SLC7A14: variants seen among roughly 807,000 people sequenced by gnomAD.
SLC7A14 encodes gamma-aminobutyric acid transporter SLC7A14.
In SLC7A14, 37 loss-of-function variants were observed where a neutral mutation model predicts 60.2. The ratio of observed to expected loss-of-function variants is 0.61; its 90% CI spans 0.47 to 0.81. SLC7A14 has a LOEUF of 0.81. Among genes scored for constraint, SLC7A14 ranks in the 30% least tolerant of loss-of-function variants. SLC7A14 has a pLI of 0.00. For synonymous variants in SLC7A14, 399 were observed against 395.8 expected, an observed-to-expected ratio of 1.01 and a Z score of -0.10; for missense variants, 886 against 982.7, an observed-to-expected ratio of 0.90 and a Z score of 1.32.
At position 170,466,918 on chromosome 3, in the gene SLC7A14, A is replaced by G. The variant is rs1001327273; in HGVS notation, c.*137T>C. On this transcript the variant is annotated 3_prime_UTR_variant, in exon 8 of 8. Coordinates refer to ENST00000231706, the MANE Select transcript of SLC7A14 (RefSeq NM_020949.3). ...TCCTGAAGAGCAAAAGTAGCAAATG[A>G]CAGGCTATGACTAGGGATTGAATTT... 3.1e-5 allele frequency: 23 copies of G among 738,728 alleles called. No homozygotes were observed. In the African/African-American group the frequency reaches 3.7e-4, roughly 12 times the overall value. 45.8% of individuals were successfully genotyped at this position (738,728 alleles called of 1,614,324 possible). A position where few individuals can be genotyped will look rare whatever the true frequency, so the allele number is the denominator to read the frequency against.
chr3:170,507,350 AC>A (rs1712813948), intron 2 of SLC7A14, among the ~76,000 whole-genome samples: 1 of 152,210 alleles, frequency 6.6e-6, no homozygotes, highest in Non-Finnish European at 1.5e-5. Flanking sequence ...AGTTTAATAA[AC>A]AGCTGATTCC....
intron 1 of SLC7A14, among the ~76,000 whole-genome samples, chr3:170,584,858 C>T (rs1170303404): frequency 6.6e-6 from 1 of 152,100 alleles, no homozygotes; most frequent in African/African-American, 2.4e-5. Flanking sequence ...CACCGACACT[C>T]AGGCGGGGAT....
chr3:170,470,093 A>G (rs1312409210), intron 7 of SLC7A14, among the ~76,000 whole-genome samples: 1 of 152,214 alleles, frequency 6.6e-6, no homozygotes, highest in East Asian at 1.9e-4. Flanking sequence ...TTACAGAAGA[A>G]GAAACAGAGG....
In SLC7A14 at chr3:170,468,163, G is replaced by C. The variant is rs557564604; in HGVS notation, c.1994-786C>G. 1.8e-4 allele frequency among the ~76,000 whole-genome samples: 27 copies of C among 152,314 alleles called. No individual in the cohort carries two copies. In the South Asian group the frequency reaches 4.4e-3, roughly 25 times the overall value. On this transcript the variant is annotated intron_variant, in intron 7 of 7. Coordinates refer to ENST00000231706, the MANE Select transcript of SLC7A14 (RefSeq NM_020949.3). Reference sequence around the variant, plus strand: ...GCGTGAAATGTCCAGTGCAACCTCTGTGTTGATGTCATCCCAATCAAAGGA... The same window carrying C: ...GCGTGAAATGTCCAGTGCAACCTCTCTGTTGATGTCATCCCAATCAAAGGA...
chr3:170,486,601 C>T (rs1278368251), intron 4 of SLC7A14, among the ~76,000 whole-genome samples: 1 of 152,064 alleles, frequency 6.6e-6, no homozygotes, highest in Non-Finnish European at 1.5e-5. Context: ...TGGCCGGGTG[C>T]GATGGCTCAT....
At chr3:170,577,685 G>A (rs1037694082) in intron 1 of SLC7A14, among the ~76,000 whole-genome samples, 4 of 150,640 alleles carry the variant, frequency 2.7e-5, no homozygotes, top group East Asian at 3.9e-4. Context: ...TATGTATTCC[G>A]TAATTGGCCT....
intron 2 of SLC7A14, among the ~76,000 whole-genome samples, chr3:170,519,049 T>C (rs1275300880): frequency 6.6e-6 from 1 of 152,000 alleles, no homozygotes; most frequent in Non-Finnish European, 1.5e-5. Flanking sequence ...AGTTTGATAA[T>C]GATGATAAAG....
At chr3:170,483,066 G>A (rs563140717) in intron 6 of SLC7A14, among the ~76,000 whole-genome samples, 13 of 152,210 alleles carry the variant, frequency 8.5e-5, no homozygotes, top group African/African-American at 2.2e-4. Context: ...ACGCAATGTC[G>A]ACAGGAGGGA....
intron 1 of SLC7A14, among the ~76,000 whole-genome samples, chr3:170,571,485 A>G (rs1330641897): frequency 6.6e-6 from 1 of 152,222 alleles, no homozygotes. Flanking sequence ...GACTAATTCA[A>G]GTCACTTCAC....
At chr3:170,475,822 C>T in intron 7 of SLC7A14, among the ~76,000 whole-genome samples, 1 of 152,142 alleles carries the variant, frequency 6.6e-6, no homozygotes, top group East Asian at 1.9e-4. Flanking sequence ...AAGAGATTCT[C>T]CTGCCTCAGT....
chr3:170,525,380 T>A (rs1318840678), intron 2 of SLC7A14, among the ~76,000 whole-genome samples: 4 of 152,218 alleles, frequency 2.6e-5, no homozygotes, highest in African/African-American at 4.8e-5. Flanking sequence ...AAATGAGTTT[T>A]ATGATTCTTT....
At chr3:170,577,108 A>G (rs1715113547) in intron 1 of SLC7A14, among the ~76,000 whole-genome samples, 1 of 152,174 alleles carries the variant, frequency 6.6e-6, no homozygotes, top group Non-Finnish European at 1.5e-5. Flanking sequence ...GACTAACTCT[A>G]TGGTTAACAA....
At chr3:170,498,959 TG>T in intron 3 of SLC7A14, 75 bp from the exon 4 acceptor site, 1 of 1,409,756 alleles carries the variant, frequency 7.1e-7, no homozygotes, top group South Asian at 1.2e-5. Flanking sequence ...CCTACCCCAC[TG>T]CATCCGTACT....
At chr3:170,509,561 G>T (rs1311890858) in intron 2 of SLC7A14, among the ~76,000 whole-genome samples, 1 of 152,214 alleles carries the variant, frequency 6.6e-6, no homozygotes, top group Non-Finnish European at 1.5e-5. Flanking sequence ...TGTAATCCCA[G>T]CACTTTGGGA....
chr3:170,505,900 G>T (rs1712766504), intron 2 of SLC7A14, among the ~76,000 whole-genome samples: 1 of 150,876 alleles, frequency 6.6e-6, no homozygotes, highest in Non-Finnish European at 1.5e-5. Flanking sequence ...AAAAAAAAAA[G>T]AGAGATTAAC....
chr3:170,544,616 T>C (rs552595053), intron 1 of SLC7A14, among the ~76,000 whole-genome samples: 47 of 152,364 alleles, frequency 3.1e-4, no homozygotes, highest in African/African-American at 1.1e-3. Context: ...GACTGGGACC[T>C]GTGGCTCACA....
At chr3:170,580,307 G>T (rs1167859403) in intron 1 of SLC7A14, among the ~76,000 whole-genome samples, 1 of 152,144 alleles carries the variant, frequency 6.6e-6, no homozygotes, top group Non-Finnish European at 1.5e-5. Flanking sequence ...TATCTCTTGG[G>T]ATCTACAATT....
intron 1 of SLC7A14, among the ~76,000 whole-genome samples, chr3:170,553,037 G>C (rs1366856839): frequency 6.6e-6 from 1 of 152,110 alleles, no homozygotes; most frequent in East Asian, 1.9e-4. Context: ...CAAAAGCCTT[G>C]CTGTTCTTCT....
intron 5 of SLC7A14, among the ~76,000 whole-genome samples, chr3:170,484,488 T>C (rs1577503151): frequency 6.6e-6 from 1 of 152,308 alleles, no homozygotes; most frequent in Non-Finnish European, 1.5e-5. Flanking sequence ...GAATTGGCCA[T>C]AGGCAATGGA....
Sources: gnomAD v4.1 joint callset for allele counts (sites outside exome capture counted in the v4.1 genomes callset) on GRCh38, gnomAD v4.1.1 for gene constraint, MANE v1.5 for transcripts, NCBI Gene and HGNC (gene_info 2026-07-23, HGNC 2026-07-21) for gene names.